DENND1A: variants seen among roughly 807,000 people sequenced by gnomAD.
The protein encoded by DENND1A is DENN domain-containing protein 1A.
DENND1A carries 51 observed loss-of-function variants against 113.7 expected under a neutral mutation model. That is an observed-to-expected ratio of 0.45 (90% CI 0.36 to 0.57). DENND1A has a LOEUF of 0.57. Among genes scored for constraint, DENND1A ranks in the 20% least tolerant of loss-of-function variants. The probability of loss-of-function intolerance (pLI) is 0.00; values close to 1 mark genes in which losing one functional copy is unlikely to be tolerated. For missense variants in DENND1A, 1,258 were observed against 1,395.9 expected, an observed-to-expected ratio of 0.90 and a Z score of 1.57; for synonymous variants, 565 against 570.8, an observed-to-expected ratio of 0.99 and a Z score of 0.14.
At chr9:123,903,059 G>A (rs574139062) in intron 1 of DENND1A, among the ~76,000 whole-genome samples, 8 of 152,148 alleles carry the variant, frequency 5.3e-5, no homozygotes, top group African/African-American at 1.2e-4. Flanking sequence ...AAGGCCGGGC[G>A]CGGTGGCTCA....
intron 19 of DENND1A, chr9:123,437,764 A>G (rs562182550): frequency 2.6e-5 from 4 of 152,166 alleles, no homozygotes; most frequent in Non-Finnish European, 5.9e-5. Context: ...CTCTGGGTCA[A>G]TAAAATGGGG....
intron 5 of DENND1A, among the ~76,000 whole-genome samples, chr9:123,748,493 G>C (rs1425050384): frequency 2.0e-5 from 3 of 152,076 alleles, no homozygotes; most frequent in Non-Finnish European, 4.4e-5. Context: ...GTCTTATGGG[G>C]CCTCTCCATG....
At chr9:123,544,539 A>G (rs1417880572) in intron 13 of DENND1A, among the ~76,000 whole-genome samples, 1 of 152,238 alleles carries the variant, frequency 6.6e-6, no homozygotes, top group Non-Finnish European at 1.5e-5. Flanking sequence ...CAGAGAAAAG[A>G]GCATGGTCAC....
At chr9:123,538,101 G>A (rs1346416325) in intron 13 of DENND1A, among the ~76,000 whole-genome samples, 3 of 152,128 alleles carry the variant, frequency 2.0e-5, no homozygotes, top group Non-Finnish European at 4.4e-5. Flanking sequence ...ATAGTTAAAA[G>A]GTTTTCTGTA....
At chr9:123,925,927 T>G (rs1246815677) in intron 1 of DENND1A, among the ~76,000 whole-genome samples, 1 of 152,224 alleles carries the variant, frequency 6.6e-6, no homozygotes, top group African/African-American at 2.4e-5. Flanking sequence ...TTCCTTCGAT[T>G]ACTTACAGCC....
intron 4 of DENND1A, among the ~76,000 whole-genome samples, chr9:123,761,282 A>C (rs922182376): frequency 6.6e-6 from 1 of 152,250 alleles, no homozygotes; most frequent in Non-Finnish European, 1.5e-5. Context: ...ACCTGGAATA[A>C]CAATGAGACA....
chr9:123,883,672 G>A (rs188164027), intron 1 of DENND1A, among the ~76,000 whole-genome samples: 2 of 152,184 alleles, frequency 1.3e-5, no homozygotes, highest in Non-Finnish European at 2.9e-5. Context: ...TCAATAGTGC[G>A]TTTGCAATAA....
intron 19 of DENND1A, among the ~76,000 whole-genome samples, chr9:123,425,769 G>A (rs2045675017): frequency 1.3e-5 from 2 of 152,248 alleles, no homozygotes; most frequent in African/African-American, 4.8e-5. Flanking sequence ...AGCAGCAAGG[G>A]AATGACTGGG....
chr9:123,903,155 AC>A (rs1266208899), intron 1 of DENND1A, among the ~76,000 whole-genome samples: 1 of 150,790 alleles, frequency 6.6e-6, no homozygotes, highest in African/African-American at 2.4e-5. Flanking sequence ...AAACGGTGAA[AC>A]CCCATCTCTA....
chr9:123,387,308 T>C (rs2042615717), intron 22 of DENND1A, among the ~76,000 whole-genome samples: 1 of 152,230 alleles, frequency 6.6e-6, no homozygotes, highest in Non-Finnish European at 1.5e-5. Flanking sequence ...TGGCATTTAA[T>C]ATACACATTT....
intron 5 of DENND1A, among the ~76,000 whole-genome samples, chr9:123,687,835 C>T (rs1347106586): frequency 2.6e-5 from 4 of 152,324 alleles, no homozygotes; most frequent in Non-Finnish European, 5.9e-5. Flanking sequence ...TGTGGAAAAG[C>T]TTCACGGCTA....
At chr9:123,902,797 C>A (rs1588156504) in intron 1 of DENND1A, among the ~76,000 whole-genome samples, 1 of 140,334 alleles carries the variant, frequency 7.1e-6, no homozygotes, top group East Asian at 2.0e-4. Flanking sequence ...AGACAAGTAA[C>A]AACAGCTGTT....
intron 2 of DENND1A, among the ~76,000 whole-genome samples, chr9:123,828,126 G>GAGAA (rs1252281322): frequency 2.6e-5 from 4 of 151,966 alleles, no homozygotes; most frequent in Non-Finnish European, 5.9e-5. Flanking sequence ...TGCTCAATAT[G>GAGAA]AGAAAGAAAG....
At chr9:123,541,697 T>C (rs939025626) in intron 13 of DENND1A, among the ~76,000 whole-genome samples, 2 of 152,182 alleles carry the variant, frequency 1.3e-5, no homozygotes, top group African/African-American at 4.8e-5. Flanking sequence ...CACGCCTCCA[T>C]GGAATGTGAC....
chr9:123,638,546 T>A (rs760776769), intron 9 of DENND1A, among the ~76,000 whole-genome samples: 2 of 152,204 alleles, frequency 1.3e-5, no homozygotes, highest in African/African-American at 4.8e-5. Context: ...CTTGGCTCAC[T>A]GCAACCTCTG....
intron 16 of DENND1A, 25 bp from the exon 17 acceptor site, chr9:123,452,372 A>G (rs773639535): frequency 7.5e-6 from 12 of 1,602,672 alleles, no homozygotes; most frequent in Admixed American, 1.7e-5. Flanking sequence ...TCAATTAGCA[A>G]TTTGGGCTGA....
At chr9:123,555,005 T>A (rs751809327) in intron 13 of DENND1A, among the ~76,000 whole-genome samples, 6 of 152,208 alleles carry the variant, frequency 3.9e-5, no homozygotes, top group Non-Finnish European at 5.9e-5. Context: ...GTTTTACCAT[T>A]AGAAATGCTG....
At chr9:123,436,311 G>T (rs1473164026) in intron 19 of DENND1A, among the ~76,000 whole-genome samples, 1 of 152,240 alleles carries the variant, frequency 6.6e-6, no homozygotes, top group Non-Finnish European at 1.5e-5. Context: ...TCCTTGCTAG[G>T]AGTCTATGGG....
At chr9:123,545,265 C>A (rs2056584105) in intron 13 of DENND1A, among the ~76,000 whole-genome samples, 1 of 152,036 alleles carries the variant, frequency 6.6e-6, no homozygotes, top group Non-Finnish European at 1.5e-5. Flanking sequence ...GCCTGAATGT[C>A]ATGTAGTCAT....
Sources: allele counts gnomAD v4.1 joint callset (sites outside exome capture counted in the v4.1 genomes callset), GRCh38; gene constraint gnomAD v4.1.1; transcripts MANE v1.5; gene names NCBI Gene and HGNC (gene_info 2026-07-23, HGNC 2026-07-21).